DLG5: variants seen among roughly 807,000 people sequenced by gnomAD.
DLG5 encodes the protein discs large MAGUK scaffold protein 5, also known as disks large homolog 5.
In DLG5, 48 loss-of-function variants were observed where a neutral mutation model predicts 189.8. The observed-to-expected ratio is 0.25, with a 90% CI of 0.20 to 0.32. DLG5 has a LOEUF of 0.32. Ranked by LOEUF, DLG5 falls within the 10% of genes least tolerant of loss-of-function variation. The pLI is 1.00. For synonymous variants in DLG5, 1,016 were observed against 1,054.1 expected (o/e 0.96, Z 0.70); for missense variants, 2,160 against 2,544.7 (o/e 0.85, Z 3.25).
At chr10:77,834,710 C>T (rs1843040759) in intron 8 of DLG5, among the ~76,000 whole-genome samples, 2 of 152,232 alleles carry the variant, frequency 1.3e-5, no homozygotes, top group South Asian at 2.1e-4. Flanking sequence ...CCTACCTCTC[C>T]ACAGCCTCGA....
intron 17 of DLG5, among the ~76,000 whole-genome samples, chr10:77,818,825 G>T (rs115699584): frequency 6.6e-6 from 1 of 151,258 alleles, no homozygotes; most frequent in South Asian, 2.1e-4. Flanking sequence ...AAAACCACAC[G>T]ACATGAGCTA....
At chr10:77,848,433 T>A (rs1233542399) in intron 5 of DLG5, among the ~76,000 whole-genome samples, 1 of 150,946 alleles carries the variant, frequency 6.6e-6, no homozygotes, top group African/African-American at 2.4e-5. Context: ...GCCTGAGAGG[T>A]TTCCCAAATA....
At chr10:77,937,229 C>G in the DLG5 span, among the ~76,000 whole-genome samples, 12 of 152,250 alleles carry the variant, frequency 7.9e-5, no homozygotes, top group African/African-American at 2.9e-4. Context: ...ACAATGTGCC[C>G]CTTCTCCCCC....
chr10:77,912,515 TAGGACTAC>T (rs1159616122), intron 1 of DLG5: 1 of 151,732 alleles, frequency 6.6e-6, no homozygotes, highest in Non-Finnish European at 1.5e-5. Context: ...CCCAAGTAGC[TAGGACTAC>T]AGGAACATGC....
chr10:77,859,267 G>A (rs1306810979), intron 2 of DLG5, among the ~76,000 whole-genome samples: 5 of 152,190 alleles, frequency 3.3e-5, no homozygotes, highest in Non-Finnish European at 5.9e-5. Context: ...GTTACAGTAA[G>A]CAACAGTTTA....
chr10:77,816,841 G>A, intron 19 of DLG5, 140 bp from the exon 20 acceptor site: 1 of 1,393,996 alleles, frequency 7.2e-7, no homozygotes. Context: ...GCTAGGCTCT[G>A]CATTGCCCCC....
intron 13 of DLG5, among the ~76,000 whole-genome samples, chr10:77,826,450 AC>A (rs1842644765): frequency 1.3e-5 from 2 of 151,322 alleles, no homozygotes; most frequent in Non-Finnish European, 2.9e-5. Flanking sequence ...ACATGGTGAA[AC>A]CCCCATCTCT....
At chr10:77,816,402 G>A in intron 20 of DLG5, 149 bp downstream of exon 20, 1 of 1,245,704 alleles carries the variant, frequency 8.0e-7, no homozygotes, top group South Asian at 1.4e-5. Context: ...GTGCCCCATG[G>A]CACTTACTGG....
chr10:77,880,246 G>A (rs926597632), intron 1 of DLG5, among the ~76,000 whole-genome samples: 1 of 152,112 alleles, frequency 6.6e-6, no homozygotes, highest in African/African-American at 2.4e-5. Flanking sequence ...CTGAGGTCAG[G>A]GTTTCAGGAC....
At position 77,864,728 on chromosome 10, in the gene DLG5, G is replaced by C. The variant is rs568140598; in HGVS notation, c.373+4401C>G. Reference sequence around the variant, plus strand: ...TTGCATATTTCTCCTTTGTTTTACTGGCTATCCAGCAGCCACTGCCTTTAA... The same window carrying C: ...TTGCATATTTCTCCTTTGTTTTACTCGCTATCCAGCAGCCACTGCCTTTAA... On this transcript the variant is annotated intron_variant, in intron 2 of 31. Transcript: ENST00000372391. Among the ~76,000 whole-genome samples, 299 of 152,344 alleles carry C rather than the reference G, an allele frequency of 2.0e-3. 1 individual carries two copies. Among genetic ancestry groups the C allele is most frequent in the African/African-American group, 6.9e-3 (285 of 41,570 alleles).
chr10:77,900,347 T>C (rs1845886988), intron 1 of DLG5, among the ~76,000 whole-genome samples: 1 of 152,132 alleles, frequency 6.6e-6, no homozygotes, highest in South Asian at 2.1e-4. Flanking sequence ...CCTGGCTGTG[T>C]CCTACATTAA....
At chr10:77,819,246 T>C (rs1226017950) in intron 17 of DLG5, 75 bp downstream of exon 17, 9 of 1,605,676 alleles carry the variant, frequency 5.6e-6, no homozygotes, top group Middle Eastern at 1.6e-4. Flanking sequence ...TGAGCCTCTT[T>C]ATGCACTCAT....
At chr10:77,846,875 C>T (rs1367149725) in intron 5 of DLG5, among the ~76,000 whole-genome samples, 3 of 152,110 alleles carry the variant, frequency 2.0e-5, no homozygotes, top group Admixed American at 6.5e-5. Context: ...AGCGGCTTCC[C>T]GCCTTCCCAG....
At chr10:77,847,286 C>T (rs544003075) in intron 5 of DLG5, among the ~76,000 whole-genome samples, 1 of 152,240 alleles carries the variant, frequency 6.6e-6, no homozygotes, top group East Asian at 1.9e-4. Flanking sequence ...CGGCCACCCT[C>T]GGCCTGCTCC....
chr10:77,861,200 A>G (rs1192044588), intron 2 of DLG5, among the ~76,000 whole-genome samples: 1 of 152,234 alleles, frequency 6.6e-6, no homozygotes, highest in Admixed American at 6.5e-5. Context: ...ACATCCTAGT[A>G]TCATTATGAA....
intron 2 of DLG5, chr10:77,868,627 A>C (rs964311266): frequency 7.3e-5 from 16 of 219,584 alleles, no homozygotes; most frequent in African/African-American, 3.8e-4. Context: ...AAACAGAGGG[A>C]ATGGGTCACA....
chr10:77,903,439 T>G (rs11002324), intron 1 of DLG5, among the ~76,000 whole-genome samples: 12 of 147,170 alleles, frequency 8.2e-5, no homozygotes, highest in African/African-American at 1.8e-4. Context: ...AAAAAAAAAA[T>G]AAAAAAGAAA....
At chr10:77,848,207 C>T (rs1843788046) in intron 5 of DLG5, among the ~76,000 whole-genome samples, 1 of 152,138 alleles carries the variant, frequency 6.6e-6, no homozygotes, top group Non-Finnish European at 1.5e-5. Context: ...CTACCTGTAC[C>T]CTACATTGGT....
intron 1 of DLG5, among the ~76,000 whole-genome samples, chr10:77,923,531 A>G (rs1846596832): frequency 6.6e-6 from 1 of 152,190 alleles, no homozygotes; most frequent in Admixed American, 6.5e-5. Flanking sequence ...GGCTGAGGCA[A>G]GCAGATCGCT....
Sources: allele counts gnomAD v4.1 joint callset (sites outside exome capture counted in the v4.1 genomes callset), GRCh38; gene constraint gnomAD v4.1.1; transcripts MANE v1.5; gene names NCBI Gene and HGNC (gene_info 2026-07-23, HGNC 2026-07-21).